The following LOC128462377 variants were observed in gnomAD, a reference collection of about 807,000 sequenced individuals.
At chr16:89,405,581 G>A in the LOC128462377 span, among the ~76,000 whole-genome samples, 1 of 145,574 alleles carries the variant, frequency 6.9e-6, no homozygotes, top group Non-Finnish European at 1.5e-5. Flanking sequence ...CAATCCTCCC[G>A]CCTCAGCCTC....
chr16:89,359,098 A>T, the LOC128462377 span, among the ~76,000 whole-genome samples: 546 of 152,308 alleles, frequency 3.6e-3, 3 homozygotes, highest in Non-Finnish European at 5.7e-3. Context: ...AAATTTTAAT[A>T]TTCCAAAATA....
chr16:89,325,968 C>T, the LOC128462377 span, among the ~76,000 whole-genome samples: 1 of 152,170 alleles, frequency 6.6e-6, no homozygotes, highest in African/African-American at 2.4e-5. Context: ...CTAGCCATGC[C>T]CAATACACAC....
the LOC128462377 span, among the ~76,000 whole-genome samples, chr16:89,389,421 A>G: frequency 3.9e-5 from 6 of 152,010 alleles, no homozygotes; most frequent in African/African-American, 7.2e-5. Flanking sequence ...TACATAGGAG[A>G]AAAAAAAGTC....
chr16:89,341,687 C>A, the LOC128462377 span, among the ~76,000 whole-genome samples: 1 of 152,254 alleles, frequency 6.6e-6, no homozygotes, highest in East Asian at 1.9e-4. Flanking sequence ...AATCCCCTCA[C>A]ACACCTATTC....
the LOC128462377 span, among the ~76,000 whole-genome samples, chr16:89,365,875 A>C: frequency 2.0e-5 from 3 of 151,852 alleles, no homozygotes; most frequent in Admixed American, 1.3e-4. Flanking sequence ...CCCAACCCTC[A>C]AGCAGACCCC....
At chr16:89,367,151 G>A in the LOC128462377 span, among the ~76,000 whole-genome samples, 2 of 152,162 alleles carry the variant, frequency 1.3e-5, no homozygotes, top group Admixed American at 6.5e-5. Context: ...CCATCGGTGA[G>A]GAAGAGCAGG....
chr16:89,401,260 G>C, the LOC128462377 span, among the ~76,000 whole-genome samples: 5 of 152,204 alleles, frequency 3.3e-5, no homozygotes, highest in African/African-American at 1.2e-4. Context: ...TGGATTTTTA[G>C]TAGAGACCGG....
At chr16:89,320,277 G>C in the LOC128462377 span, 1 of 152,234 alleles carries the variant, frequency 6.6e-6, no homozygotes, top group Admixed American at 6.5e-5. Context: ...TCTCACTCCC[G>C]GGGGAGACTC....
At chr16:89,405,823 G>A in the LOC128462377 span, among the ~76,000 whole-genome samples, 1 of 152,106 alleles carries the variant, frequency 6.6e-6, no homozygotes, top group Admixed American at 6.5e-5. Context: ...AGGATGCACT[G>A]CAGTCAATCC....
chr16:89,393,438 C>T, the LOC128462377 span, among the ~76,000 whole-genome samples: 1 of 151,580 alleles, frequency 6.6e-6, no homozygotes, highest in African/African-American at 2.4e-5. Flanking sequence ...ATTCTCCCAC[C>T]TCAGTCCCCC....
chr16:89,358,425 T>C, the LOC128462377 span, among the ~76,000 whole-genome samples: 6 of 152,214 alleles, frequency 3.9e-5, no homozygotes, highest in Non-Finnish European at 8.8e-5. Flanking sequence ...CTGCCTATAT[T>C]ACTGGTACTC....
chr16:89,384,421 T>C, the LOC128462377 span, among the ~76,000 whole-genome samples: 6 of 151,630 alleles, frequency 4.0e-5, no homozygotes, highest in Non-Finnish European at 5.9e-5. Flanking sequence ...ATCCCAGCTA[T>C]GTGGGGGGCT....
chr16:89,388,516 G>A, the LOC128462377 span, among the ~76,000 whole-genome samples: 83,338 of 151,598 alleles, frequency 0.55, 23,035 homozygotes, highest in Middle Eastern at 0.73. Flanking sequence ...GCTGTCGAAC[G>A]CACACACGTC....
At chr16:89,331,752 T>C in the LOC128462377 span, among the ~76,000 whole-genome samples, 2 of 152,168 alleles carry the variant, frequency 1.3e-5, no homozygotes, top group Admixed American at 1.3e-4. Flanking sequence ...TCCCAAAATA[T>C]TGGGGCTACA....
chr16:89,339,046 G>A, the LOC128462377 span, among the ~76,000 whole-genome samples: 2 of 152,124 alleles, frequency 1.3e-5, no homozygotes, highest in African/African-American at 4.8e-5. Context: ...CTCGTGACCT[G>A]AGTCTCTAAA....
chr16:89,342,339 C>T, the LOC128462377 span, among the ~76,000 whole-genome samples: 1 of 152,242 alleles, frequency 6.6e-6, no homozygotes, highest in African/African-American at 2.4e-5. Flanking sequence ...AGGATGCAGC[C>T]CATTTCACCT....
the LOC128462377 span, among the ~76,000 whole-genome samples, chr16:89,388,293 A>ATTTTTTTGTTT: frequency 1.2e-5 from 1 of 85,266 alleles, no homozygotes; most frequent in Non-Finnish European, 2.3e-5. Flanking sequence ...CATGAGGCTG[A>ATTTTTTTGTTT]TTTTTTTTTT....
the LOC128462377 span, among the ~76,000 whole-genome samples, chr16:89,369,296 C>T: frequency 2.6e-5 from 4 of 152,220 alleles, no homozygotes; most frequent in Admixed American, 1.3e-4. Context: ...CCACGACACT[C>T]GCAGGTCTGT....
At chr16:89,339,319 T>C in the LOC128462377 span, among the ~76,000 whole-genome samples, 1 of 151,502 alleles carries the variant, frequency 6.6e-6, no homozygotes, top group Non-Finnish European at 1.5e-5. Flanking sequence ...ACCAAAGGAG[T>C]AAGAGAGGCC....
Sources: gnomAD v4.1 joint callset for allele counts (sites outside exome capture counted in the v4.1 genomes callset) on GRCh38, gnomAD v4.1.1 for gene constraint, MANE v1.5 for transcripts.